The following TLCD4 variants were observed in gnomAD, a reference collection of about 807,000 sequenced individuals.
The protein encoded by TLCD4 is TLC domain containing 4, also known as TLC domain-containing protein 4.
A neutral mutation model predicts 24.2 loss-of-function variants in TLCD4; 7 were observed. The observed-to-expected ratio is 0.29, with a 90% CI of 0.16 to 0.54. TLCD4 has a LOEUF of 0.54. Among genes scored for constraint, TLCD4 ranks in the 20% least tolerant of loss-of-function variants. TLCD4 has a pLI of 0.95. For synonymous variants in TLCD4, 103 were observed against 106.4 expected (o/e 0.97, Z 0.20); for missense variants, 259 against 313.9 (o/e 0.82, Z 1.32).
chr1:95,181,380 GA>G (rs559552119), intron 6 of TLCD4, among the ~76,000 whole-genome samples: 172 of 152,070 alleles, frequency 1.1e-3, no homozygotes, highest in African/African-American at 4.1e-3. Context: ...TTATGCAATA[GA>G]AAAAAAGTAT....
the TLCD4 span, among the ~76,000 whole-genome samples, chr1:95,109,663 A>G: frequency 1.3e-5 from 2 of 151,102 alleles, no homozygotes; most frequent in East Asian, 3.9e-4. Flanking sequence ...AATTTTTTGT[A>G]TTTTTAGTAG....
the TLCD4 span, among the ~76,000 whole-genome samples, chr1:95,107,533 GGAATT>G: frequency 6.6e-6 from 1 of 152,052 alleles, no homozygotes; most frequent in African/African-American, 2.4e-5. Context: ...TGATTCTTTT[GGAATT>G]GAATATTTTA....
intron 2 of TLCD4, among the ~76,000 whole-genome samples, chr1:95,147,526 A>G (rs1442760669): frequency 1.3e-5 from 2 of 152,212 alleles, no homozygotes; most frequent in Non-Finnish European, 2.9e-5. Flanking sequence ...ATTGGTGAGA[A>G]TCTTTGCTTA....
the TLCD4 span, among the ~76,000 whole-genome samples, chr1:95,105,572 TTGG>T: frequency 6.6e-6 from 1 of 152,076 alleles, no homozygotes; most frequent in Non-Finnish European, 1.5e-5. Flanking sequence ...TTTATTTTTA[TTGG>T]TGGCAGCAAT....
At chr1:95,138,503 G>A (rs1338288817) in intron 1 of TLCD4, 1 of 152,160 alleles carries the variant, frequency 6.6e-6, no homozygotes, top group Non-Finnish European at 1.5e-5. Context: ...TTATCATTGT[G>A]TGAACATCAT....
intron 1 of TLCD4, chr1:95,138,500 T>G (rs1403685866): frequency 6.6e-6 from 1 of 152,286 alleles, no homozygotes; most frequent in African/African-American, 2.4e-5. Flanking sequence ...ATTTTATCAT[T>G]GTGTGAACAT....
chr1:95,179,173 T>A (rs1338389729), intron 6 of TLCD4, among the ~76,000 whole-genome samples: 9 of 152,224 alleles, frequency 5.9e-5, no homozygotes, highest in Non-Finnish European at 1.0e-4. Context: ...GAAATAAAAT[T>A]AAAAATTCAA....
chr1:95,158,487 G>T (rs2100960080), intron 5 of TLCD4, among the ~76,000 whole-genome samples: 1 of 139,966 alleles, frequency 7.1e-6, no homozygotes, highest in South Asian at 2.5e-4. Context: ...CTGGCCTCTT[G>T]ATACTTCATT....
chr1:95,107,027 A>G, the TLCD4 span, among the ~76,000 whole-genome samples: 2 of 152,224 alleles, frequency 1.3e-5, no homozygotes, highest in African/African-American at 2.4e-5. Flanking sequence ...TAGTAACACC[A>G]TTGCAGGAAT....
At chr1:95,150,332 T>C (rs35206271) in intron 4 of TLCD4, 66 bp downstream of exon 4, 266,309 of 1,578,630 alleles carry the variant, frequency 0.17, 23,264 homozygotes, top group Non-Finnish European at 0.18. Context: ...ACAAAGAATA[T>C]ATAGTCTATG....
intron 1 of TLCD4, among the ~76,000 whole-genome samples, 197 bp from the exon 2 acceptor site, chr1:95,143,694 A>G (rs1390453287): frequency 6.6e-6 from 1 of 152,190 alleles, no homozygotes; most frequent in African/African-American, 2.4e-5. Context: ...AAGATAAAAC[A>G]GACATAAGAT....
intron 5 of TLCD4, among the ~76,000 whole-genome samples, chr1:95,154,750 A>G (rs1677587119): frequency 6.6e-6 from 1 of 151,796 alleles, no homozygotes; most frequent in South Asian, 2.1e-4. Flanking sequence ...AATTAAGCAA[A>G]TAATTATTAA....
chr1:95,141,992 G>T (rs1456649009), intron 1 of TLCD4, among the ~76,000 whole-genome samples: 1 of 152,196 alleles, frequency 6.6e-6, no homozygotes, highest in Non-Finnish European at 1.5e-5. Flanking sequence ...ATTGATTTCA[G>T]TAGGTGACTT....
chr1:95,102,273 A>G, the TLCD4 span, among the ~76,000 whole-genome samples: 1 of 152,330 alleles, frequency 6.6e-6, no homozygotes, highest in Non-Finnish European at 1.5e-5. Flanking sequence ...ACTTGGTATG[A>G]TGCCAGGGAG....
intron 5 of TLCD4, among the ~76,000 whole-genome samples, chr1:95,157,890 A>C (rs896245283): frequency 6.6e-6 from 1 of 152,218 alleles, no homozygotes; most frequent in African/African-American, 2.4e-5. Flanking sequence ...GTTCAGATTT[A>C]AGAGGTAGGA....
the TLCD4 span, among the ~76,000 whole-genome samples, chr1:95,101,186 C>T: frequency 6.6e-6 from 1 of 152,104 alleles, no homozygotes; most frequent in South Asian, 2.1e-4. Context: ...GGATTATAGG[C>T]GTGAGCCACC....
chr1:95,125,175 A>G (rs1487372607), intron 1 of TLCD4, among the ~76,000 whole-genome samples: 1 of 152,178 alleles, frequency 6.6e-6, no homozygotes, highest in Non-Finnish European at 1.5e-5. Flanking sequence ...GTTCTTCATT[A>G]TCAAGTCTGT....
chr1:95,160,049 A>G (rs1475347452), intron 5 of TLCD4, among the ~76,000 whole-genome samples: 1 of 152,298 alleles, frequency 6.6e-6, no homozygotes, highest in East Asian at 1.9e-4. Context: ...GAAGAAAGTC[A>G]TTGGTAGCTT....
At chr1:95,177,501 C>A (rs1255558449) in intron 6 of TLCD4, among the ~76,000 whole-genome samples, 1 of 152,160 alleles carries the variant, frequency 6.6e-6, no homozygotes, top group Admixed American at 6.5e-5. Flanking sequence ...GGACAATTGA[C>A]AGGGCTCCCT....
Sources: allele counts gnomAD v4.1 joint callset (sites outside exome capture counted in the v4.1 genomes callset), GRCh38; gene constraint gnomAD v4.1.1; transcripts MANE v1.5; gene names NCBI Gene and HGNC (gene_info 2026-07-23, HGNC 2026-07-21).